Variants in SMG7 observed in about 807,000 individuals in gnomAD.
SMG7 encodes SMG7 nonsense mediated mRNA decay factor, also known as nonsense-mediated mRNA decay factor SMG7.
SMG7 carries 34 observed loss-of-function variants against 148.2 expected under a neutral mutation model. That is an observed-to-expected ratio of 0.23 (90% confidence interval 0.17 to 0.31). The LOEUF (loss-of-function observed/expected upper bound fraction) is 0.31. Among genes scored for constraint, SMG7 ranks in the 10% least tolerant of loss-of-function variants. The pLI is 1.00. For synonymous variants in SMG7, 492 were observed against 515.1 expected, an observed-to-expected ratio of 0.96 and a Z score of 0.61; for missense variants, 1,114 against 1,408.4, an observed-to-expected ratio of 0.79 and a Z score of 3.35.
chr1:183,533,800 C>T lies in SMG7; in HGVS notation c.1131C>T (p.Val377=). ...ACTGGCTAAGACTCAGACCCAGGGT[C>T]TTTCAGGAGGCAGTGGTGGATGAAA... The part of the protein sequence containing the change: ...SMDWLRLRPR[V]FQEAVVDERQ... The change falls in exon 10 of 23, where the codon GTC becomes GTT. Residue 377 remains valine (V), a synonymous_variant. Coordinates refer to ENST00000688051, the MANE Select transcript of SMG7 (RefSeq NM_001375584.1). 1 of 1,612,606 alleles carries T rather than the reference C, an allele frequency of 6.2e-7. No individual in the cohort carries two copies. The highest frequency in any genetic ancestry group is 1.7e-5 in the Admixed American group (1 of 59,914).
chr1:183,528,799 T>A lies in SMG7; in HGVS notation c.557-93T>A. The A allele has an allele frequency of 3.6e-6, 4 of 1,097,060 alleles. No individual in the cohort carries two copies. The South Asian group carries it at 6.1e-5, about 17-fold the overall frequency. The allele number at this position is 1,097,060 out of a possible 1,614,324, so 68.0% of individuals were successfully genotyped here. A position where few individuals can be genotyped will look rare whatever the true frequency, so the allele number is the denominator to read the frequency against. The stretch of plus-strand genomic sequence containing the variant: ...ATTTACCTTATAAAAATACTCCCCA[T>A]TGTTTGAGTATTTAAACACTGATCA... On this transcript the variant is annotated intron_variant, in intron 6 of 22. Transcript: ENST00000688051.
chr1:183,472,697 TG>T, intron 1 of SMG7, 48 bp downstream of exon 1: 1 of 1,437,806 alleles, frequency 7.0e-7, no homozygotes. Flanking sequence ...GGCCGCAGGT[TG>T]GGGCATGGAG....
At chr1:183,498,625 C>T (rs1659078090) in intron 1 of SMG7, among the ~76,000 whole-genome samples, 1 of 152,226 alleles carries the variant, frequency 6.6e-6, no homozygotes, top group South Asian at 2.1e-4. Context: ...TTTAGGTTTA[C>T]AGACAAATTG....
At chr1:183,482,774 C>T (rs1654489473) in intron 1 of SMG7, among the ~76,000 whole-genome samples, 1 of 152,070 alleles carries the variant, frequency 6.6e-6, no homozygotes. Context: ...TTTGTTACCA[C>T]CTGAAGTTTC....
chr1:183,492,038 C>T (rs767940001), intron 1 of SMG7, among the ~76,000 whole-genome samples: 10 of 152,206 alleles, frequency 6.6e-5, no homozygotes, highest in Non-Finnish European at 1.0e-4. Context: ...CTCCTAAAGG[C>T]ATCACCTCTT....
intron 1 of SMG7, chr1:183,473,757 G>A: frequency 2.0e-6 from 2 of 985,358 alleles, no homozygotes; most frequent in Non-Finnish European, 2.4e-6. Flanking sequence ...ATGGAAAGAT[G>A]TTTTTTAAAA....
At chr1:183,538,652 A>G (rs1668222528) in intron 12 of SMG7, among the ~76,000 whole-genome samples, 1 of 152,042 alleles carries the variant, frequency 6.6e-6, no homozygotes, top group Admixed American at 6.6e-5. Flanking sequence ...TAACCTTTCC[A>G]TCTGTGCCCT....
chr1:183,513,738 G>T (rs1205146754), intron 2 of SMG7, among the ~76,000 whole-genome samples: 2 of 151,984 alleles, frequency 1.3e-5, no homozygotes, highest in Non-Finnish European at 2.9e-5. Context: ...CCATTGAAAG[G>T]AGTAAATGAG....
Position 183,494,352 on chromosome 1 carries a change from G to T in SMG7, c.30-18485G>T, listed in dbSNP as rs552107433. 1.0e-4 allele frequency among the ~76,000 whole-genome samples: 15 copies of T among 149,650 alleles called. No homozygotes were observed. The South Asian group carries it at 2.1e-3, about 21-fold the overall frequency. ...TTGTTTTAAGTTTCAAAATTTAGGG[G>T]ACTTTTTTGGTTTTTGTTTTTTTTT... On this transcript the variant is annotated intron_variant, in intron 1 of 22. Coordinates refer to ENST00000688051, the MANE Select transcript of SMG7 (RefSeq NM_001375584.1).
chr1:183,512,976 C>T, intron 2 of SMG7, 108 bp downstream of exon 2: 1 of 959,922 alleles, frequency 1.0e-6, no homozygotes, highest in Non-Finnish European at 1.5e-6. Flanking sequence ...TCTTAGTTGC[C>T]AAAAGGGATG....
At chr1:183,515,297 A>G (rs898406389) in intron 2 of SMG7, among the ~76,000 whole-genome samples, 1 of 152,212 alleles carries the variant, frequency 6.6e-6, no homozygotes, top group African/African-American at 2.4e-5. Context: ...CGCTCATTAA[A>G]ATAATACTGT....
Position 183,500,036 on chromosome 1 carries a change from G to C in SMG7, c.30-12801G>C, listed in dbSNP as rs143820330. Among the ~76,000 whole-genome samples, 133 of 152,198 alleles carry C rather than the reference G, an allele frequency of 8.7e-4. 2 individuals are homozygous for C. The East Asian group carries it at 0.018, about 21-fold the overall frequency. ...AAGGACTATTTTTAAAAAGGCATTG[G>C]GTTCATTGCTTTGGAAAGCATTGTT... On this transcript the variant is annotated intron_variant, in intron 1 of 22. Transcript: ENST00000688051.
chr1:183,545,953 G>A lies in SMG7; in HGVS notation c.2371-13G>A, dbSNP rs199797768. The A allele has an allele frequency of 2.7e-5, 43 of 1,564,646 alleles. No individual in the cohort carries two copies. The Admixed American group carries it at 4.8e-4, about 17-fold the overall frequency. On this transcript the variant is annotated splice_polypyrimidine_tract_variant and intron_variant, in intron 16 of 22. Transcript: ENST00000688051. ...TTTTATCCTCACCTTTATGACAGGC[G>A]TCTCTTTTTTAGTATCAACAGGCAG...
intron 1 of SMG7, among the ~76,000 whole-genome samples, chr1:183,488,711 G>A (rs1280533328): frequency 1.5e-5 from 2 of 129,664 alleles, no homozygotes; most frequent in African/African-American, 5.7e-5. Flanking sequence ...TTTTTGAGAC[G>A]GTCTCACTCT....
At chr1:183,502,303 G>A in intron 1 of SMG7, 2 of 1,534,432 alleles carry the variant, frequency 1.3e-6, no homozygotes, top group Non-Finnish European at 1.7e-6. Context: ...CTTGCAGATA[G>A]TCATTGTGGG....
chr1:183,474,186 G>A (rs1000442776), intron 1 of SMG7, among the ~76,000 whole-genome samples: 1 of 152,194 alleles, frequency 6.6e-6, no homozygotes, highest in Non-Finnish European at 1.5e-5. Context: ...AACCATCAGG[G>A]TGCTGATTAG....
Position 183,546,354 on chromosome 1 carries a change from A to G in SMG7, c.2742+17A>G, listed in dbSNP as rs1394145819. The G allele has an allele frequency of 5.7e-6, 9 of 1,588,416 alleles. No individual in the cohort carries two copies. The highest frequency in any genetic ancestry group is 2.3e-5 in the South Asian group (2 of 88,356). On this transcript the variant is annotated intron_variant, in intron 17 of 22. Coordinates refer to ENST00000688051, the MANE Select transcript of SMG7 (RefSeq NM_001375584.1). ...CCGTTTGAGGTGTGTGTTCTTTCCT[A>G]TCACCAGGCAATTTGGAGATAGGTC...
intron 1 of SMG7, chr1:183,502,405 T>C (rs1250956684): frequency 7.2e-6 from 11 of 1,526,112 alleles, no homozygotes; most frequent in Non-Finnish European, 9.6e-6. Flanking sequence ...GGATGAAAAT[T>C]ACAAGGGATT....
intron 2 of SMG7, among the ~76,000 whole-genome samples, chr1:183,514,037 A>G (rs1662877621): frequency 6.6e-6 from 1 of 151,478 alleles, no homozygotes; most frequent in Non-Finnish European, 1.5e-5. Context: ...CTCAAAAAAA[A>G]AAAAAAAAAA....
Sources: allele counts gnomAD v4.1 joint callset (sites outside exome capture counted in the v4.1 genomes callset), GRCh38; gene constraint gnomAD v4.1.1; transcripts MANE v1.5; gene names NCBI Gene and HGNC (gene_info 2026-07-23, HGNC 2026-07-21).